Variants in NRXN1 observed in about 807,000 individuals in gnomAD.
NRXN1 encodes the protein neurexin-1.
In NRXN1, 39 loss-of-function variants were observed where a neutral mutation model predicts 150.9. That is an observed-to-expected ratio of 0.26 (90% confidence interval 0.20 to 0.34). NRXN1 has a LOEUF of 0.34. Among genes scored for constraint, NRXN1 ranks in the 10% least tolerant of loss-of-function variants. The pLI is 1.00. For missense variants in NRXN1, 1,815 were observed against 1,949.9 expected, an observed-to-expected ratio of 0.93 and a Z score of 1.30; for synonymous variants, 924 against 757.0, an observed-to-expected ratio of 1.22 and a Z score of -3.62.
intron 17 of NRXN1, among the ~76,000 whole-genome samples, chr2:50,386,082 T>C (rs920950687): frequency 6.6e-6 from 1 of 152,124 alleles, no homozygotes; most frequent in Non-Finnish European, 1.5e-5. Context: ...ATAAAGTTTT[T>C]CTATACTTTC....
intron 8 of NRXN1, among the ~76,000 whole-genome samples, chr2:50,612,193 C>T (rs1678265512): frequency 1.3e-5 from 2 of 152,052 alleles, no homozygotes; most frequent in Admixed American, 6.6e-5. Flanking sequence ...TTCCTATCTC[C>T]ATGTCTTCAT....
At chr2:50,886,478 A>C (rs1369677743) in intron 5 of NRXN1, among the ~76,000 whole-genome samples, 3 of 151,434 alleles carry the variant, frequency 2.0e-5, no homozygotes, top group African/African-American at 7.3e-5. Flanking sequence ...TTGCATTAGG[A>C]CACACAAAAT....
intron 19 of NRXN1, among the ~76,000 whole-genome samples, chr2:50,058,798 A>T (rs1311576710): frequency 6.6e-6 from 1 of 152,122 alleles, no homozygotes; most frequent in African/African-American, 2.4e-5. Flanking sequence ...TATAAATGGC[A>T]GTTCCCCTGC....
intron 15 of NRXN1, among the ~76,000 whole-genome samples, chr2:50,477,959 TTG>T (rs1270950184): frequency 3.3e-5 from 5 of 152,160 alleles, no homozygotes; most frequent in African/African-American, 1.2e-4. Flanking sequence ...GCAATCAAGC[TTG>T]GGTAGTTTCT....
intron 5 of NRXN1, among the ~76,000 whole-genome samples, chr2:50,796,671 A>G (rs1180960456): frequency 6.6e-6 from 1 of 152,176 alleles, no homozygotes; most frequent in Non-Finnish European, 1.5e-5. Flanking sequence ...CATTTATTTA[A>G]AAGTTGCTAA....
At chr2:50,394,304 G>A (rs2081926758) in intron 17 of NRXN1, among the ~76,000 whole-genome samples, 1 of 151,902 alleles carries the variant, frequency 6.6e-6, no homozygotes, top group South Asian at 2.1e-4. Flanking sequence ...ATGTCCACTA[G>A]GTATATCAAA....
At chr2:50,550,554 T>A (rs1379021485) in intron 9 of NRXN1, among the ~76,000 whole-genome samples, 1 of 151,976 alleles carries the variant, frequency 6.6e-6, no homozygotes, top group Admixed American at 6.6e-5. Context: ...AAAGTTCATA[T>A]GTACCAAATT....
At chr2:50,564,141 C>T (rs1286189588) in intron 8 of NRXN1, among the ~76,000 whole-genome samples, 1 of 152,186 alleles carries the variant, frequency 6.6e-6, no homozygotes, top group Non-Finnish European at 1.5e-5. Context: ...CTTTTACTGC[C>T]TTGGCCAAGT....
Position 50,327,499 on chromosome 2 carries a change from A to G in NRXN1, c.3365-90529T>C, listed in dbSNP as rs139157905. Among the ~76,000 whole-genome samples, 17 of 92,046 alleles carry G rather than the reference A, an allele frequency of 1.8e-4. No homozygotes were observed. In the South Asian group the frequency reaches 8.2e-3, roughly 45 times the overall value. The allele number at this position is 92,046 out of a possible 152,430, so 60.4% of individuals were successfully genotyped here. On this transcript the variant is annotated intron_variant, in intron 17 of 22. Coordinates refer to ENST00000401669, the MANE Select transcript of NRXN1 (RefSeq NM_001330078.2). Reference sequence around the variant, plus strand: ...TAGGTTAAAATTATTCCACTGACTTATACACTTAAAAACTTGCACAATTGT... The same window carrying G: ...TAGGTTAAAATTATTCCACTGACTTGTACACTTAAAAACTTGCACAATTGT...
At chr2:50,813,163 C>G (rs1017129211) in intron 5 of NRXN1, among the ~76,000 whole-genome samples, 4 of 151,400 alleles carry the variant, frequency 2.6e-5, no homozygotes, top group Non-Finnish European at 4.4e-5. Context: ...CATTGCAACT[C>G]AAGCCAGGGT....
intron 9 of NRXN1, among the ~76,000 whole-genome samples, chr2:50,549,256 A>G (rs1044843004): frequency 1.3e-4 from 20 of 152,166 alleles, no homozygotes; most frequent in Admixed American, 1.0e-3. Context: ...CTCCATACCA[A>G]ACCAATGCAG....
chr2:50,765,106 C>A (rs534521740), intron 5 of NRXN1, among the ~76,000 whole-genome samples: 1 of 152,128 alleles, frequency 6.6e-6, no homozygotes, highest in South Asian at 2.1e-4. Flanking sequence ...TCTGTCCAAT[C>A]AAAAGATATC....
rs555722451 is a variant in NRXN1, at chr2:50,883,421, C to CATT, written c.832+38447_832+38448insAAT. On this transcript the variant is annotated intron_variant, in intron 5 of 22. Transcript: ENST00000401669. ...AGTTCACAACATTCAACATTTACATCTTTTTTTTTTTTTGCATTTTAAGTA... is the reference window on the plus strand; with the variant it reads ...AGTTCACAACATTCAACATTTACATCATTTTTTTTTTTTTTTGCATTTTAAGTA... Among the ~76,000 whole-genome samples, 8 of 143,996 alleles carry CATT rather than the reference C, an allele frequency of 5.6e-5. No homozygotes were observed. In the Admixed American group the frequency reaches 5.6e-4, roughly 10 times the overall value. The allele number at this position is 143,996 out of a possible 152,430, so 94.5% of individuals were successfully genotyped here. A position where few individuals can be genotyped will look rare whatever the true frequency, so the allele number is the denominator to read the frequency against.
intron 2 of NRXN1, among the ~76,000 whole-genome samples, chr2:50,935,312 G>T (rs1003439351): frequency 1.3e-5 from 2 of 152,058 alleles, no homozygotes; most frequent in Admixed American, 1.3e-4. Context: ...TAAGGCAATT[G>T]GATAAATGGA....
At chr2:51,020,167 A>G (rs1669372916) in intron 2 of NRXN1, among the ~76,000 whole-genome samples, 1 of 151,864 alleles carries the variant, frequency 6.6e-6, no homozygotes, top group African/African-American at 2.4e-5. Flanking sequence ...ATCATGCCCA[A>G]TGCTCCATTG....
chr2:50,144,507 A>T (rs1438286747), intron 18 of NRXN1, among the ~76,000 whole-genome samples: 1 of 151,790 alleles, frequency 6.6e-6, no homozygotes, highest in Non-Finnish European at 1.5e-5. Context: ...GTCATCCCCA[A>T]CTCAATCTCC....
intron 17 of NRXN1, among the ~76,000 whole-genome samples, chr2:50,364,958 T>C (rs900933140): frequency 1.1e-4 from 17 of 151,890 alleles, no homozygotes; most frequent in African/African-American, 3.6e-4. Flanking sequence ...ACAGAAAAGA[T>C]AAGGAAAATG....
intron 5 of NRXN1, among the ~76,000 whole-genome samples, chr2:50,798,842 C>G (rs1707195619): frequency 6.6e-6 from 1 of 152,176 alleles, no homozygotes; most frequent in Non-Finnish European, 1.5e-5. Flanking sequence ...CCTTTAATAT[C>G]AGCAGATTAG....
intron 5 of NRXN1, among the ~76,000 whole-genome samples, chr2:50,767,689 C>T (rs1702529168): frequency 6.6e-6 from 1 of 152,002 alleles, no homozygotes; most frequent in Admixed American, 6.6e-5. Flanking sequence ...CTTTAAAGTA[C>T]CTAATTTGCT....
Sources: gnomAD v4.1 joint callset for allele counts (sites outside exome capture counted in the v4.1 genomes callset) on GRCh38, gnomAD v4.1.1 for gene constraint, MANE v1.5 for transcripts, NCBI Gene and HGNC (gene_info 2026-07-23, HGNC 2026-07-21) for gene names.